The following PDSS1 variants were observed in gnomAD, a reference collection of about 807,000 sequenced individuals.
PDSS1 encodes decaprenyl diphosphate synthase subunit 1.
PDSS1 carries 43 observed loss-of-function variants against 57.5 expected under a neutral mutation model. The ratio of observed to expected loss-of-function variants is 0.75; its 90% CI spans 0.59 to 0.96. The LOEUF is 0.96. Ranked by LOEUF, PDSS1 falls within the 50% of genes least tolerant of loss-of-function variation. The probability of loss-of-function intolerance (pLI) is 0.00; values close to 1 mark genes in which losing one functional copy is unlikely to be tolerated. For synonymous variants in PDSS1, 175 were observed against 191.3 expected (o/e 0.91, Z 0.70); for missense variants, 438 against 527.8 (o/e 0.83, Z 1.67).
chr10:26,708,240 TC>T (rs1835306475), intron 4 of PDSS1, among the ~76,000 whole-genome samples: 1 of 152,214 alleles, frequency 6.6e-6, no homozygotes, highest in Non-Finnish European at 1.5e-5. Context: ...TTTGTTGTGT[TC>T]ACCTGTGCCG....
intron 2 of PDSS1, 37 bp from the exon 3 acceptor site, chr10:26,704,640 A>C: frequency 1.1e-6 from 1 of 883,018 alleles, no homozygotes; most frequent in Non-Finnish European, 1.9e-6. Flanking sequence ...TTTTTCAGGA[A>C]TATTCTTACA....
intron 5 of PDSS1, 149 bp downstream of exon 5, chr10:26,709,917 C>T: frequency 2.4e-6 from 2 of 831,982 alleles, no homozygotes; most frequent in South Asian, 1.5e-5. Context: ...TTCTGGGAGC[C>T]TGAGGCGGGT....
chr10:26,702,725 C>G (rs1324697677), intron 2 of PDSS1, among the ~76,000 whole-genome samples: 1 of 152,176 alleles, frequency 6.6e-6, no homozygotes, highest in Non-Finnish European at 1.5e-5. Context: ...TGGCATGTTC[C>G]TGTAGTCCCA....
chr10:26,716,647 C>T lies in PDSS1; in HGVS notation c.468-3571C>T, dbSNP rs1055713101. ...CGAAGGTTGCAGTGAGTCAAGATTG[C>T]GCCCCTGCACTCTAGCCTGGGTGAA... is the stretch of plus-strand genomic sequence containing the variant. On this transcript the variant is annotated intron_variant, in intron 5 of 11. Coordinates refer to ENST00000376215, the MANE Select transcript of PDSS1 (RefSeq NM_014317.5). Among the ~76,000 whole-genome samples, 3 of 151,910 alleles carry T rather than the reference C, an allele frequency of 2.0e-5. No individual in the cohort carries two copies. In the East Asian group the frequency reaches 5.8e-4, roughly 29 times the overall value.
At chr10:26,738,791 T>A (rs1387256618) in intron 10 of PDSS1, among the ~76,000 whole-genome samples, 1 of 152,198 alleles carries the variant, frequency 6.6e-6, no homozygotes, top group African/African-American at 2.4e-5. Context: ...AATTCCTTTA[T>A]TTTTAACATC....
At chr10:26,697,864 G>A (rs532971714) in intron 1 of PDSS1, 24 bp downstream of exon 1, 3 of 1,290,918 alleles carry the variant, frequency 2.3e-6, no homozygotes, top group African/African-American at 1.5e-5. Flanking sequence ...GCGCGCGCCC[G>A]GCGGGGCTCA....
rs753719218 is a variant in PDSS1 at position 26,705,421 on chromosome 10, A to AAT, written c.336+28_336+29dup. 6 of 1,059,064 alleles carry AAT rather than the reference A, an allele frequency of 5.7e-6. No individual in the cohort carries two copies. The Admixed American group carries it at 1.1e-4, about 19-fold the overall frequency. 65.6% of individuals were successfully genotyped at this position (1,059,064 alleles called of 1,614,324 possible). A position where few individuals can be genotyped will look rare whatever the true frequency, so the allele number is the denominator to read the frequency against. ...TGAGTTTTTTATTCTGCTGTGATGTAATGTTTTAGCTTACCAAAACTTACT... is the reference window on the plus strand; with the variant it reads ...TGAGTTTTTTATTCTGCTGTGATGTAATATGTTTTAGCTTACCAAAACTTACT... On this transcript the variant is annotated intron_variant, in intron 4 of 11. Coordinates refer to ENST00000376215, the MANE Select transcript of PDSS1 (RefSeq NM_014317.5).
intron 10 of PDSS1, among the ~76,000 whole-genome samples, chr10:26,741,675 T>C (rs1228620499): frequency 6.6e-6 from 1 of 152,106 alleles, no homozygotes; most frequent in Non-Finnish European, 1.5e-5. Context: ...TAGAGTAGAA[T>C]GCCTAATTCC....
intron 6 of PDSS1, 52 bp downstream of exon 6, chr10:26,720,411 C>A: frequency 8.6e-7 from 1 of 1,156,996 alleles, no homozygotes; most frequent in South Asian, 1.2e-5. Flanking sequence ...ACACACTTTT[C>A]GGACCGCATT....
chr10:26,709,898 A>G (rs1835367316), intron 5 of PDSS1, 130 bp downstream of exon 5: 2 of 967,314 alleles, frequency 2.1e-6, no homozygotes, highest in Non-Finnish European at 3.2e-6. Context: ...CATGCCTATA[A>G]TCCCAGCATT....
Position 26,738,903 on chromosome 10 carries a change from C to T in PDSS1, c.1026+3324C>T, listed in dbSNP as rs372624644. On this transcript the variant is annotated intron_variant, in intron 10 of 11. Transcript: ENST00000376215. ...GGGGATGACAGCGTCCTCCCATGTA[C>T]GTATGTGTACATATTCTCTTTAAGA... Among the ~76,000 whole-genome samples, 214 of 152,228 alleles carry T rather than the reference C, an allele frequency of 1.4e-3. 1 individual carries two copies. The highest frequency in any genetic ancestry group is 0.011 in the South Asian group (54 of 4,826).
intron 5 of PDSS1, among the ~76,000 whole-genome samples, chr10:26,716,965 CAG>C (rs1835603084): frequency 6.6e-6 from 1 of 152,140 alleles, no homozygotes; most frequent in Non-Finnish European, 1.5e-5. Flanking sequence ...ATCTTAAGGA[CAG>C]TGTGAGGTTT....
intron 1 of PDSS1, among the ~76,000 whole-genome samples, chr10:26,699,648 C>T (rs895059734): frequency 1.3e-5 from 2 of 152,082 alleles, no homozygotes; most frequent in African/African-American, 4.8e-5. Context: ...ACCCCCTCCT[C>T]GGCCTCCCAA....
At chr10:26,731,839 T>G (rs1244662556) in intron 8 of PDSS1, among the ~76,000 whole-genome samples, 2 of 152,276 alleles carry the variant, frequency 1.3e-5, no homozygotes, top group African/African-American at 4.8e-5. Context: ...TCACCCAGGC[T>G]GGAGTGCAGT....
At chr10:26,722,608 G>A (rs1835824559) in intron 6 of PDSS1, among the ~76,000 whole-genome samples, 1 of 151,944 alleles carries the variant, frequency 6.6e-6, no homozygotes, top group Non-Finnish European at 1.5e-5. Flanking sequence ...TGAGGCTGAG[G>A]TGGGGGGATT....
Position 26,705,266 on chromosome 10 carries a change from T to G in PDSS1, c.228-20T>G. On this transcript the variant is annotated intron_variant, in intron 3 of 11. Coordinates refer to ENST00000376215, the MANE Select transcript of PDSS1 (RefSeq NM_014317.5). ...AAACTTACTTGAAAATGAAGTCATG[T>G]GCATTTTTGCATGTCCCAGGTTTCA... 7.4e-7 allele frequency: 1 copy of G among 1,356,586 alleles called. No homozygotes were observed. The highest frequency in any genetic ancestry group is 1.1e-6 in the Non-Finnish European group (1 of 945,624). The allele number at this position is 1,356,586 out of a possible 1,614,324, so 84.0% of individuals were successfully genotyped here.
chr10:26,697,914 G>A (rs989643822), intron 1 of PDSS1, 74 bp downstream of exon 1: 4 of 1,193,858 alleles, frequency 3.4e-6, no homozygotes, highest in Admixed American at 8.7e-5. Context: ...CGGAATGAAT[G>A]GGAGCGGGGA....
intron 8 of PDSS1, among the ~76,000 whole-genome samples, chr10:26,733,720 A>C (rs1419753712): frequency 6.6e-6 from 1 of 152,092 alleles, no homozygotes; most frequent in African/African-American, 2.4e-5. Context: ...CACACCTGAT[A>C]ATCTCAACGC....
At chr10:26,745,276 AATG>A (rs1309997666) in intron 11 of PDSS1, among the ~76,000 whole-genome samples, 3 of 152,364 alleles carry the variant, frequency 2.0e-5, no homozygotes, top group African/African-American at 7.2e-5. Context: ...ACATCATAGA[AATG>A]ATACTTTATT....
Sources: gnomAD v4.1 joint callset for allele counts (sites outside exome capture counted in the v4.1 genomes callset) on GRCh38, gnomAD v4.1.1 for gene constraint, MANE v1.5 for transcripts, NCBI Gene and HGNC (gene_info 2026-07-23, HGNC 2026-07-21) for gene names.